The following BAZ1B variants were observed in gnomAD, a reference collection of about 807,000 sequenced individuals.
BAZ1B encodes bromodomain adjacent to zinc finger domain 1B, also known as tyrosine-protein kinase BAZ1B.
A neutral mutation model predicts 153.8 loss-of-function variants in BAZ1B; 22 were observed. The ratio of observed to expected loss-of-function variants is 0.14; its 90% CI spans 0.10 to 0.20. The LOEUF is 0.20. Among genes scored for constraint, BAZ1B ranks in the 10% least tolerant of loss-of-function variants. BAZ1B has a pLI of 1.00. For missense variants in BAZ1B, 1,325 were observed against 1,799.3 expected, an observed-to-expected ratio of 0.74 and a Z score of 4.77; for synonymous variants, 676 against 633.4, an observed-to-expected ratio of 1.07 and a Z score of -1.01.
chr7:73,463,247 T>C (rs1319102092), intron 11 of BAZ1B, 148 bp from the exon 12 acceptor site: 8 of 773,374 alleles, frequency 1.0e-5, no homozygotes, highest in East Asian at 5.6e-5. Context: ...TTCTTTTTTT[T>C]TTTTTTTTTT....
chr7:73,502,540 G>A (rs1483055421), intron 3 of BAZ1B, among the ~76,000 whole-genome samples: 1 of 151,678 alleles, frequency 6.6e-6, no homozygotes, highest in African/African-American at 2.4e-5. Flanking sequence ...TTCAAGAACA[G>A]CCTTGGCAAC....
chr7:73,474,714 T>A (rs1454365500), intron 7 of BAZ1B, among the ~76,000 whole-genome samples: 2 of 152,080 alleles, frequency 1.3e-5, no homozygotes, highest in Non-Finnish European at 2.9e-5. Context: ...GGCAGAGGTT[T>A]CAGGGAGCTG....
intron 1 of BAZ1B, among the ~76,000 whole-genome samples, chr7:73,515,403 A>G (rs1315138977): frequency 1.3e-5 from 2 of 152,164 alleles, no homozygotes; most frequent in African/African-American, 4.8e-5. Flanking sequence ...AGATGTGAGC[A>G]GATGTAATAT....
chr7:73,469,386 T>G (rs1467351996), intron 9 of BAZ1B, 131 bp downstream of exon 9: 1 of 1,134,126 alleles, frequency 8.8e-7, no homozygotes, highest in African/African-American at 1.5e-5. Flanking sequence ...TCTACCTACT[T>G]CACTCAAATA....
chr7:73,511,794 G>C (rs1790589366), intron 1 of BAZ1B, among the ~76,000 whole-genome samples: 1 of 150,796 alleles, frequency 6.6e-6, no homozygotes, highest in Non-Finnish European at 1.5e-5. Context: ...TCCGAGGCAG[G>C]CAGATCACCT....
chr7:73,449,170 A>G (rs1787941624), intron 15 of BAZ1B, among the ~76,000 whole-genome samples: 1 of 152,220 alleles, frequency 6.6e-6, no homozygotes, highest in Non-Finnish European at 1.5e-5. Context: ...GGAAGAAAAC[A>G]TTATGTATCG....
rs367685657 is a variant in BAZ1B, at chr7:73,442,164, C to T, written c.*15+17G>A. ...CTCCCACCCTCCCTAGCTGTCCCCCCACCTCAGCTCCCTTACCACGGCCCT... is the reference window on the plus strand; with the variant it reads ...CTCCCACCCTCCCTAGCTGTCCCCCTACCTCAGCTCCCTTACCACGGCCCT... On this transcript the variant is annotated intron_variant, in intron 19 of 19. Coordinates refer to ENST00000339594, the MANE Select transcript of BAZ1B (RefSeq NM_032408.4). The T allele has an allele frequency of 1.8e-5, 25 of 1,384,710 alleles. No individual in the cohort carries two copies. Among genetic ancestry groups the T allele is most frequent in the South Asian group, 1.5e-4 (12 of 78,922 alleles). 85.8% of individuals were successfully genotyped at this position (1,384,710 alleles called of 1,614,324 possible).
At chr7:73,518,987 AAGTTAG>A (rs199564668) in intron 1 of BAZ1B, among the ~76,000 whole-genome samples, 1,901 of 152,298 alleles carry the variant, frequency 0.012, 41 homozygotes, top group African/African-American at 0.044. Flanking sequence ...GATTCTGATA[AAGTTAG>A]TGTTTTCCAA....
intron 10 of BAZ1B, 72 bp downstream of exon 10, chr7:73,466,224 C>T: frequency 9.0e-7 from 1 of 1,112,850 alleles, no homozygotes; most frequent in South Asian, 1.4e-5. Context: ...ACTGGCATCA[C>T]TATACTAAAT....
At chr7:73,486,617 C>T (rs113936043) in intron 6 of BAZ1B, among the ~76,000 whole-genome samples, 15 of 152,272 alleles carry the variant, frequency 9.9e-5, no homozygotes, top group African/African-American at 3.4e-4. Flanking sequence ...TGAGCCACTG[C>T]GCCTGGCCTG....
intron 1 of BAZ1B, among the ~76,000 whole-genome samples, chr7:73,516,207 G>A (rs1056472125): frequency 5.9e-5 from 9 of 152,046 alleles, no homozygotes; most frequent in East Asian, 1.9e-4. Flanking sequence ...TGGAGATGGT[G>A]GTCTCACTAC....
intron 4 of BAZ1B, among the ~76,000 whole-genome samples, chr7:73,495,021 C>T (rs1248240490): frequency 4.6e-5 from 7 of 152,180 alleles, no homozygotes; most frequent in South Asian, 2.1e-4. Context: ...TGGTGACTCA[C>T]GCCTGTAATT....
rs1554580332 is a variant in BAZ1B, at chr7:73,521,972, G to A, written c.-39C>T. ...GTGGGGACTGGCGGCTGCTGGGGCC[G>A]GCCCCGCGGCGCAGCACTAGGCCCC... On this transcript the variant is annotated 5_prime_UTR_variant, in exon 1 of 20. Coordinates refer to ENST00000339594, the MANE Select transcript of BAZ1B (RefSeq NM_032408.4). The A allele has an allele frequency of 2.9e-6, 4 of 1,362,122 alleles. No individual in the cohort carries two copies. Among genetic ancestry groups the A allele is most frequent in the Admixed American group, 6.7e-5 (2 of 29,754 alleles). 84.4% of individuals were successfully genotyped at this position (1,362,122 alleles called of 1,614,324 possible).
Position 73,521,822 on chromosome 7 carries a change from G to A in BAZ1B, c.107+5C>T, listed in dbSNP as rs1554580275. 1 of 1,493,980 alleles carries A rather than the reference G, an allele frequency of 6.7e-7. No individual in the cohort carries two copies. The highest frequency in any genetic ancestry group is 9.0e-7 in the Non-Finnish European group (1 of 1,116,464). 92.5% of individuals were successfully genotyped at this position (1,493,980 alleles called of 1,614,324 possible). On this transcript the variant is annotated splice_donor_5th_base_variant and intron_variant, in intron 1 of 19. Coordinates refer to ENST00000339594, the MANE Select transcript of BAZ1B (RefSeq NM_032408.4). The stretch of plus-strand genomic sequence containing the variant: ...AGCCCGGCCCGCGCGGCTGGAAAAG[G>A]ATACTCCCGGGTGCGGAAGGCCTCC...
intron 13 of BAZ1B, among the ~76,000 whole-genome samples, chr7:73,455,085 C>A (rs533810816): frequency 2.3e-4 from 35 of 151,686 alleles, no homozygotes; most frequent in Non-Finnish European, 4.1e-4. Context: ...CCGGTTTTCA[C>A]CATGTTGGCC....
chr7:73,465,312 C>T (rs367718297), intron 11 of BAZ1B, 127 bp downstream of exon 11: 27 of 589,260 alleles, frequency 4.6e-5, no homozygotes, highest in African/African-American at 2.7e-4. Flanking sequence ...AATATGAACA[C>T]AAAACGGTTA....
At chr7:73,502,128 A>T (rs919468619) in intron 3 of BAZ1B, among the ~76,000 whole-genome samples, 34 of 152,022 alleles carry the variant, frequency 2.2e-4, no homozygotes, top group Non-Finnish European at 4.3e-4. Context: ...TGACCTCGTG[A>T]TCTGCCTGCC....
intron 9 of BAZ1B, 122 bp from the exon 10 acceptor site, chr7:73,466,523 T>C: frequency 3.3e-6 from 2 of 602,756 alleles, no homozygotes; most frequent in African/African-American, 1.8e-5. Flanking sequence ...CTGTGAAATA[T>C]ATCAAATATA....
At chr7:73,471,509 T>A (rs1788802532) in intron 7 of BAZ1B, among the ~76,000 whole-genome samples, 1 of 152,298 alleles carries the variant, frequency 6.6e-6, no homozygotes, top group Admixed American at 6.5e-5. Context: ...TCACAATTTT[T>A]AAGAAGTGTT....
Sources: allele counts gnomAD v4.1 joint callset (sites outside exome capture counted in the v4.1 genomes callset), GRCh38; gene constraint gnomAD v4.1.1; transcripts MANE v1.5; gene names NCBI Gene and HGNC (gene_info 2026-07-23, HGNC 2026-07-21).